Variants in AOX1 observed in about 807,000 individuals in gnomAD.
AOX1 encodes aldehyde oxidase 1.
In AOX1, 153 loss-of-function variants were observed where a neutral mutation model predicts 169.5. The ratio of observed to expected loss-of-function variants is 0.90; its 90% CI spans 0.79 to 1.03. The LOEUF (loss-of-function observed/expected upper bound fraction) is 1.03. Ranked by LOEUF, AOX1 falls within the 50% of genes least tolerant of loss-of-function variation. The probability of loss-of-function intolerance (pLI) is 0.00; values close to 1 mark genes in which losing one functional copy is unlikely to be tolerated. For missense variants in AOX1, 1,656 were observed against 1,663.9 expected (o/e 1.00, Z 0.08); for synonymous variants, 562 against 581.9 (o/e 0.97, Z 0.49).
At chr2:200,680,101 T>A (rs1196748424), downstream of AOX1, among the ~76,000 whole-genome samples, 1 of 152,074 alleles carries the variant, frequency 6.6e-6, no homozygotes, top group African/African-American at 2.4e-5. Context: ...AAAATTAAGA[T>A]AATAAAATAA....
chr2:200,612,083 C>A (rs1333323806), intron 13 of AOX1, among the ~76,000 whole-genome samples: 2 of 152,124 alleles, frequency 1.3e-5, no homozygotes, highest in African/African-American at 4.8e-5. Context: ...GTCCCATAAG[C>A]CTTTCTCCCT....
intron 20 of AOX1, among the ~76,000 whole-genome samples, 171 bp downstream of exon 20, chr2:200,627,620 G>A (rs375108356): frequency 6.6e-6 from 1 of 152,192 alleles, no homozygotes; most frequent in African/African-American, 2.4e-5. Context: ...TCTGGGGTAG[G>A]CCAAGAGCCA....
chr2:200,669,293 A>G lies in AOX1; in HGVS notation c.3799-282A>G, dbSNP rs188798130. Among the ~76,000 whole-genome samples, 9 of 152,270 alleles carry G rather than the reference A, an allele frequency of 5.9e-5. No individual in the cohort carries two copies. The East Asian group carries it at 1.7e-3, about 29-fold the overall frequency. On this transcript the variant is annotated intron_variant, in intron 33 of 34. Transcript: ENST00000374700. Reference sequence around the variant, plus strand: ...ACCCCATCTCTGCTAAAAATACAAAAAAATAGCCAGGTGTGGCGGTGCATG... The same window carrying G: ...ACCCCATCTCTGCTAAAAATACAAAGAAATAGCCAGGTGTGGCGGTGCATG...
intron 32 of AOX1, 97 bp downstream of exon 32, chr2:200,666,849 A>G: frequency 1.2e-6 from 1 of 803,030 alleles, no homozygotes; most frequent in Non-Finnish European, 2.0e-6. Flanking sequence ...TCATCATCTT[A>G]TTTTTCTAAC....
At chr2:200,599,106 C>G (rs537212910) in intron 4 of AOX1, among the ~76,000 whole-genome samples, 2 of 152,234 alleles carry the variant, frequency 1.3e-5, no homozygotes, top group African/African-American at 4.8e-5. Context: ...AGAAGTTAGA[C>G]TCCAAAGCAA....
chr2:200,628,688 GGAGGCCGAGGTGAGTGGATCACTT>G (rs2035052727), intron 20 of AOX1, among the ~76,000 whole-genome samples: 1 of 152,128 alleles, frequency 6.6e-6, no homozygotes, highest in South Asian at 2.1e-4. Flanking sequence ...CAGCACTTTG[GGAGGCCGAGGTGAGTGGATCACTT>G]GAGGCCAGGA....
intron 14 of AOX1, 83 bp downstream of exon 14, chr2:200,612,876 G>C (rs1436911710): frequency 1.8e-6 from 2 of 1,125,964 alleles, no homozygotes; most frequent in East Asian, 4.9e-5. Context: ...GGTGAGATGT[G>C]ATTACAAGAA....
intron 1 of AOX1, among the ~76,000 whole-genome samples, chr2:200,592,693 A>G (rs1343661365): frequency 6.6e-6 from 1 of 151,972 alleles, no homozygotes; most frequent in Non-Finnish European, 1.5e-5. Flanking sequence ...CAATTATTTG[A>G]ACAAGATAAA....
At chr2:200,657,190 A>ATATATATATATTTTTTTTTTT in intron 27 of AOX1, among the ~76,000 whole-genome samples, 2 of 62,882 alleles carry the variant, frequency 3.2e-5, no homozygotes, top group African/African-American at 7.9e-5. Flanking sequence ...ATATATATAT[A>ATATATATATATTTTTTTTTTT]TTTTTTTTTT....
At chr2:200,659,336 G>C in intron 28 of AOX1, 43 bp downstream of exon 28, 1 of 1,590,934 alleles carries the variant, frequency 6.3e-7, no homozygotes. Flanking sequence ...AACTCCCTCA[G>C]GGCCAAATAC....
intron 25 of AOX1, among the ~76,000 whole-genome samples, chr2:200,650,007 C>T (rs1340939821): frequency 6.6e-6 from 1 of 152,220 alleles, no homozygotes; most frequent in Non-Finnish European, 1.5e-5. Context: ...CACCTCTCTG[C>T]TCATGCCCCA....
intron 32 of AOX1, among the ~76,000 whole-genome samples, chr2:200,667,938 CAG>C (rs1189517094): frequency 6.6e-6 from 1 of 151,996 alleles, no homozygotes; most frequent in African/African-American, 2.4e-5. Context: ...ACACATCAGT[CAG>C]GGGGGTTTGT....
intron 20 of AOX1, among the ~76,000 whole-genome samples, chr2:200,632,638 A>AC (rs1185794567): frequency 2.0e-5 from 3 of 151,818 alleles, no homozygotes; most frequent in Middle Eastern, 3.4e-3. Context: ...TCATTTAAAA[A>AC]AAAAATCATT....
At chr2:200,620,198 A>AGTTTTTTTTTTTTTTTTT (rs370920216) in intron 16 of AOX1, among the ~76,000 whole-genome samples, 3 of 120,912 alleles carry the variant, frequency 2.5e-5, no homozygotes, top group Non-Finnish European at 3.4e-5. Context: ...ATTAATAGTG[A>AGTTTTTTTTTTTTTTTTT]CTTTTTTTTT....
At chr2:200,643,459 T>G (rs575528661) in intron 25 of AOX1, among the ~76,000 whole-genome samples, 94 of 152,156 alleles carry the variant, frequency 6.2e-4, no homozygotes, top group African/African-American at 1.8e-3. Context: ...ACTCATTGAT[T>G]GGTGGGCATT....
At position 200,634,912 on chromosome 2, in the gene AOX1, A is replaced by G; in HGVS notation, c.2343A>G (p.Ile781Met). 6.2e-7 allele frequency: 1 copy of G among 1,613,960 alleles called. No individual in the cohort carries two copies. The highest frequency in any genetic ancestry group is 1.1e-5 in the South Asian group (1 of 91,076). Residue 781 changes from isoleucine (I) to methionine (M), a missense_variant, in exon 21 of 35, where the codon ATA (isoleucine) becomes ATG (methionine). Coordinates refer to ENST00000374700, the MANE Select transcript of AOX1 (RefSeq NM_001159.4). ...VYVSTQFPKY[I>M]QDIVASTLKL... ...TGTCCACACAGTTTCCCAAATATAT[A>G]CAGGTAACATGGGGCCATTGTGGAG... is the stretch of plus-strand genomic sequence containing the variant.
chr2:200,664,616 T>C (rs755714653), intron 31 of AOX1, among the ~76,000 whole-genome samples: 21 of 152,240 alleles, frequency 1.4e-4, no homozygotes, highest in Non-Finnish European at 7.3e-5. Flanking sequence ...GGATGTGTCA[T>C]ATAGCCTCAT....
At chr2:200,598,464 G>C (rs2034334482) in intron 4 of AOX1, among the ~76,000 whole-genome samples, 1 of 152,110 alleles carries the variant, frequency 6.6e-6, no homozygotes. Context: ...CCATTTCTAG[G>C]CCAGGCGTGG....
intron 14 of AOX1, 122 bp from the exon 15 acceptor site, chr2:200,613,682 C>G (rs1277425398): frequency 9.1e-6 from 9 of 988,006 alleles, no homozygotes; most frequent in African/African-American, 1.7e-5. Context: ...CTCGGGCTGC[C>G]TGATCCAGAG....
Sources: gnomAD v4.1 joint callset for allele counts (sites outside exome capture counted in the v4.1 genomes callset) on GRCh38, gnomAD v4.1.1 for gene constraint, MANE v1.5 for transcripts, NCBI Gene and HGNC (gene_info 2026-07-23, HGNC 2026-07-21) for gene names.